USP3: variants seen among roughly 807,000 people sequenced by gnomAD.
The protein encoded by USP3 is ubiquitin specific peptidase 3.
Under a neutral mutation model 72.3 loss-of-function variants are expected in USP3, and 20 were observed. The observed-to-expected ratio is 0.28, with a 90% CI of 0.19 to 0.40. The LOEUF (loss-of-function observed/expected upper bound fraction) is 0.40. Ranked by LOEUF, USP3 falls within the 10% of genes least tolerant of loss-of-function variation. USP3 has a pLI of 1.00. For missense variants in USP3, 479 were observed against 633.9 expected (o/e 0.76, Z 2.62); for synonymous variants, 222 against 225.3 (o/e 0.99, Z 0.13).
intron 11 of USP3, among the ~76,000 whole-genome samples, chr15:63,578,221 C>A (rs2066896963): frequency 6.6e-6 from 1 of 152,060 alleles, no homozygotes; most frequent in Non-Finnish European, 1.5e-5. Flanking sequence ...TTGCAGTGAG[C>A]CGAGATCGTG....
intron 11 of USP3, among the ~76,000 whole-genome samples, chr15:63,582,286 T>C (rs771348765): frequency 6.6e-6 from 1 of 152,186 alleles, no homozygotes; most frequent in African/African-American, 2.4e-5. Context: ...GTAGTGGAGA[T>C]TGTTCTCTAC....
intron 2 of USP3, among the ~76,000 whole-genome samples, chr15:63,535,004 T>C (rs1343474812): frequency 6.6e-6 from 1 of 152,152 alleles, no homozygotes; most frequent in East Asian, 1.9e-4. Flanking sequence ...TGATCTCGGC[T>C]CACTGCAACC....
At position 63,585,366 on chromosome 15, in the gene USP3, A is replaced by T. The variant is rs138274561; in HGVS notation, c.1097-2939A>T. On this transcript the variant is annotated intron_variant, in intron 11 of 14. Coordinates refer to ENST00000380324, the MANE Select transcript of USP3 (RefSeq NM_006537.4). ...AAGTCTTCCAGTCTATGAATGCAGG[A>T]TGTCTTTAAAAATTTCTTTCAGCAA... Among the ~76,000 whole-genome samples the T allele has an allele frequency of 1.8e-3, 272 of 152,266 alleles. 3 individuals are homozygous for T. The East Asian group carries it at 0.023, about 13-fold the overall frequency.
chr15:63,508,618 G>A (rs1477153671), intron 1 of USP3, among the ~76,000 whole-genome samples: 1 of 152,328 alleles, frequency 6.6e-6, no homozygotes, highest in East Asian at 1.9e-4. Context: ...CATACCAGAT[G>A]TTATTTTCAG....
At chr15:63,555,168 A>G (rs1471212381) in intron 4 of USP3, among the ~76,000 whole-genome samples, 3 of 152,200 alleles carry the variant, frequency 2.0e-5, no homozygotes, top group East Asian at 1.9e-4. Context: ...CCACCTGTCT[A>G]CATGTCTGCT....
chr15:63,583,417 T>G (rs925940168), intron 11 of USP3, among the ~76,000 whole-genome samples: 1 of 152,202 alleles, frequency 6.6e-6, no homozygotes, highest in African/African-American at 2.4e-5. Context: ...TGAGCTATTT[T>G]ATACTCCAGC....
At chr15:63,577,009 T>C (rs868387183) in intron 11 of USP3, among the ~76,000 whole-genome samples, 1 of 152,328 alleles carries the variant, frequency 6.6e-6, no homozygotes, top group Middle Eastern at 3.4e-3. Context: ...ACTTTTTGGA[T>C]TTGTAATTGT....
Position 63,542,174 on chromosome 15 carries a change from T to C in USP3, c.284+5018T>C, listed in dbSNP as rs2066254565. The C allele has an allele frequency of 3.0e-6, 3 of 985,150 alleles. No individual in the cohort carries two copies. The African/African-American group carries it at 5.2e-5, about 17-fold the overall frequency. 61.0% of individuals were successfully genotyped at this position (985,150 alleles called of 1,614,324 possible). The stretch of plus-strand genomic sequence containing the variant: ...AACAGGAATTGAAAAAAACTTAGAA[T>C]TTTAAAGCTGAGAAAGAGGTAGAGA... On this transcript the variant is annotated intron_variant, in intron 3 of 14. Transcript: ENST00000380324.
chr15:63,507,402 G>A (rs1431691473), intron 1 of USP3, among the ~76,000 whole-genome samples: 1 of 152,154 alleles, frequency 6.6e-6, no homozygotes, highest in Non-Finnish European at 1.5e-5. Flanking sequence ...GCAAAGAAAA[G>A]GGTAATACTT....
chr15:63,552,348 T>C (rs926787803), intron 3 of USP3, among the ~76,000 whole-genome samples: 1 of 152,242 alleles, frequency 6.6e-6, no homozygotes, highest in African/African-American at 2.4e-5. Flanking sequence ...ATCCTCTTAA[T>C]ATTTATGCCG....
chr15:63,554,742 C>T (rs1374596349), intron 4 of USP3, among the ~76,000 whole-genome samples: 1 of 152,158 alleles, frequency 6.6e-6, no homozygotes, highest in Non-Finnish European at 1.5e-5. Context: ...TTATGTATGT[C>T]TCATTGACTA....
chr15:63,517,893 C>T (rs1293188681), intron 1 of USP3, among the ~76,000 whole-genome samples: 1 of 152,188 alleles, frequency 6.6e-6, no homozygotes, highest in African/African-American at 2.4e-5. Context: ...TTCTTTCTCA[C>T]TTACAAAAAG....
At chr15:63,526,018 A>G (rs1188779866) in intron 1 of USP3, among the ~76,000 whole-genome samples, 2 of 152,210 alleles carry the variant, frequency 1.3e-5, no homozygotes, top group Non-Finnish European at 2.9e-5. Context: ...GAATAAGTTC[A>G]TTTTATTAGG....
chr15:63,519,022 C>T (rs2065885909), intron 1 of USP3, among the ~76,000 whole-genome samples: 1 of 152,216 alleles, frequency 6.6e-6, no homozygotes, highest in South Asian at 2.1e-4. Context: ...GCCTCAGCAT[C>T]CCAAAGTGCT....
chr15:63,546,700 C>T (rs372409704), intron 3 of USP3, among the ~76,000 whole-genome samples: 21 of 152,156 alleles, frequency 1.4e-4, no homozygotes, highest in East Asian at 5.8e-4. Flanking sequence ...CCCGGGTTCA[C>T]GCCATTCTCC....
At chr15:63,562,866 T>C in intron 7 of USP3, 29 bp from the exon 8 acceptor site, 2 of 1,492,514 alleles carry the variant, frequency 1.3e-6, no homozygotes, top group Non-Finnish European at 9.2e-7. Flanking sequence ...CTCACTAATC[T>C]GAGGGCACTG....
intron 5 of USP3, 155 bp downstream of exon 5, chr15:63,556,903 C>T (rs1489874058): frequency 3.8e-5 from 22 of 585,034 alleles, no homozygotes; most frequent in East Asian, 3.7e-4. Context: ...CCTGTACTGT[C>T]GATTGTTGCC....
At chr15:63,558,268 TA>T in intron 6 of USP3, 80 bp downstream of exon 6, 2 of 1,468,604 alleles carry the variant, frequency 1.4e-6, no homozygotes, top group Non-Finnish European at 1.9e-6. Context: ...CGTCTGCCAC[TA>T]ACTCTAGTCA....
intron 1 of USP3, among the ~76,000 whole-genome samples, chr15:63,512,998 G>T (rs2065810377): frequency 6.6e-6 from 1 of 152,172 alleles, no homozygotes; most frequent in Non-Finnish European, 1.5e-5. Flanking sequence ...TTTAAGATAA[G>T]CCAGGTTATA....
Sources: gnomAD v4.1 joint callset for allele counts (sites outside exome capture counted in the v4.1 genomes callset) on GRCh38, gnomAD v4.1.1 for gene constraint, MANE v1.5 for transcripts, NCBI Gene and HGNC (gene_info 2026-07-23, HGNC 2026-07-21) for gene names.